COG3: variants seen among roughly 807,000 people sequenced by gnomAD.
The protein encoded by COG3 is component of oligomeric golgi complex 3, also known as conserved oligomeric Golgi complex subunit 3.
A neutral mutation model predicts 114.1 loss-of-function variants in COG3; 32 were observed. The observed-to-expected ratio is 0.28, with a 90% CI of 0.21 to 0.38. The LOEUF (loss-of-function observed/expected upper bound fraction) is 0.38, where lower values mean the gene tolerates loss of function less well. Ranked by LOEUF, COG3 falls within the 10% of genes least tolerant of loss-of-function variation. The pLI, the probability that COG3 is intolerant of heterozygous loss-of-function variation, is 1.00. For synonymous variants in COG3, 352 were observed against 365.7 expected, an observed-to-expected ratio of 0.96 and a Z score of 0.43; for missense variants, 813 against 973.2, an observed-to-expected ratio of 0.84 and a Z score of 2.19.
chr13:45,509,816 T>C lies in COG3; in HGVS notation c.1719T>C (p.Asp573=), dbSNP rs1233107964. ...VCLSKLYRCI[D]RAVFQGLSQE... is the part of the protein sequence containing the mutation. ...TCTCCAAATTATACAGATGCATAGA[T>C]GTACGTGTATCTTTACTGTGAATTG... Residue 573 remains aspartate, a splice_region_variant and synonymous_variant, in exon 15 of 23, where the codon GAT becomes GAC. Transcript: ENST00000349995. 1.2e-6 allele frequency: 2 copies of C among 1,603,878 alleles called. No individual in the cohort carries two copies. The highest frequency in any genetic ancestry group is 1.7e-6 in the Non-Finnish European group (2 of 1,172,600).
chr13:45,488,073 C>A (rs2137820646), intron 8 of COG3, among the ~76,000 whole-genome samples: 1 of 152,234 alleles, frequency 6.6e-6, no homozygotes, highest in South Asian at 2.1e-4. Context: ...CTGTCATTTG[C>A]AGCAACGTGA....
chr13:45,497,651 T>C lies in COG3; in HGVS notation c.1488+1339T>C, dbSNP rs1301748270. 2.6e-5 allele frequency among the ~76,000 whole-genome samples: 4 copies of C among 152,104 alleles called. No homozygotes were observed. The South Asian group carries it at 8.3e-4, about 32-fold the overall frequency. On this transcript the variant is annotated intron_variant, in intron 13 of 22. Coordinates refer to ENST00000349995, the MANE Select transcript of COG3 (RefSeq NM_031431.4). The stretch of plus-strand genomic sequence containing the variant: ...AAATACAAAAATTCACCAGGTGTGA[T>C]GGTGTGCTCCTGTGATCCCAGCTAC...
intron 8 of COG3, among the ~76,000 whole-genome samples, chr13:45,487,816 A>G (rs541294873): frequency 6.6e-6 from 1 of 152,324 alleles, no homozygotes; most frequent in African/African-American, 2.4e-5. Context: ...GTTATGGAAA[A>G]CAGTATGGAG....
intron 7 of COG3, among the ~76,000 whole-genome samples, chr13:45,484,502 C>T (rs1886442770): frequency 6.6e-6 from 1 of 152,114 alleles, no homozygotes. Context: ...AGAGAGATGA[C>T]AGTTCCATTT....
chr13:45,518,718 T>C, intron 17 of COG3, 44 bp from the exon 18 acceptor site: 2 of 1,475,376 alleles, frequency 1.4e-6, no homozygotes, highest in Non-Finnish European at 1.9e-6. Context: ...GGCTTTGCTG[T>C]TGAAACTTTA....
intron 13 of COG3, among the ~76,000 whole-genome samples, chr13:45,498,356 CT>C (rs61289410): frequency 0.12 from 13,818 of 117,470 alleles, 483 homozygotes; most frequent in Non-Finnish European, 0.12. Context: ...CTTCAGATGT[CT>C]TTTTTTTTTT....
intron 13 of COG3, among the ~76,000 whole-genome samples, chr13:45,497,821 A>AACAAC (rs1449099330): frequency 1.8e-5 from 1 of 54,584 alleles, no homozygotes; most frequent in Non-Finnish European, 4.4e-5. Context: ...ACAACAACAA[A>AACAAC]GTATGACCAC....
intron 8 of COG3, among the ~76,000 whole-genome samples, chr13:45,490,540 A>T (rs12869186): frequency 0.054 from 8,173 of 152,212 alleles, 271 homozygotes; most frequent in East Asian, 0.1. Flanking sequence ...ACAATGATTC[A>T]TTGAGTGTTG....
At chr13:45,524,944 G>GA in intron 19 of COG3, 32 bp from the exon 20 acceptor site, 1 of 1,575,288 alleles carries the variant, frequency 6.3e-7, no homozygotes, top group Non-Finnish European at 8.7e-7. Flanking sequence ...TTGATGAAAT[G>GA]AAACTTTTTT....
At chr13:45,511,879 C>A in intron 16 of COG3, 25 bp downstream of exon 16, 2 of 1,548,514 alleles carry the variant, frequency 1.3e-6, no homozygotes, top group South Asian at 1.1e-5. Flanking sequence ...TAGGTGAAAT[C>A]CTGTTTCCTG....
At chr13:45,468,596 C>G (rs1156896229) in intron 1 of COG3, among the ~76,000 whole-genome samples, 1 of 152,298 alleles carries the variant, frequency 6.6e-6, no homozygotes, top group East Asian at 1.9e-4. Context: ...TTTTCTCCAA[C>G]CCAGAACTCT....
At chr13:45,477,326 A>G (rs939856955) in intron 2 of COG3, among the ~76,000 whole-genome samples, 10 of 152,202 alleles carry the variant, frequency 6.6e-5, no homozygotes, top group African/African-American at 2.4e-4. Flanking sequence ...TGCTTAAAAA[A>G]AGTCCTCTGG....
chr13:45,476,320 A>G lies in COG3; in HGVS notation c.294A>G (p.Glu98=). Residue 98 remains glutamate (E), a synonymous_variant, in exon 2 of 23, where the codon GAA becomes GAG. Coordinates refer to ENST00000349995, the MANE Select transcript of COG3 (RefSeq NM_031431.4). ...AGGGCTTCACTTCCTTAGGAATGGAAGAAGAAAGAATTGAAACCGCACAGC... is the reference window on the plus strand; with the variant it reads ...AGGGCTTCACTTCCTTAGGAATGGAGGAAGAAAGAATTGAAACCGCACAGC... ...LLKGFTSLGM[E]EERIETAQQF... 1 of 1,614,058 alleles carries G rather than the reference A, an allele frequency of 6.2e-7. No homozygotes were observed. The highest frequency in any genetic ancestry group is 8.5e-7 in the Non-Finnish European group (1 of 1,179,974).
In COG3 at chr13:45,471,165, A is replaced by T. The variant is rs538962866; in HGVS notation, c.175-5036A>T. On this transcript the variant is annotated intron_variant, in intron 1 of 22. Coordinates refer to ENST00000349995, the MANE Select transcript of COG3 (RefSeq NM_031431.4). The stretch of plus-strand genomic sequence containing the variant: ...ACCCCTGTAATCCCAGCACTTTGGG[A>T]GACTGAGACAGGAGGATTGCTTGAG... 4.6e-5 allele frequency among the ~76,000 whole-genome samples: 7 copies of T among 152,272 alleles called. No individual in the cohort carries two copies. The East Asian group carries it at 1.2e-3, about 25-fold the overall frequency.
Position 45,518,769 on chromosome 13 carries a change from A to G in COG3, c.1938A>G (p.Ala646=). 6.2e-7 allele frequency: 1 copy of G among 1,611,660 alleles called. No homozygotes were observed. Among genetic ancestry groups the G allele is most frequent in the South Asian group, 1.1e-5 (1 of 90,438 alleles). ...AGTAATTTTGTTTCACAGATGCAGC[A>G]TTTAAAATCCTGAACCCTATGACTG... is the stretch of plus-strand genomic sequence containing the variant. ...SLDLKKTRDA[A]FKILNPMTVP... Residue 646 remains alanine (A), a synonymous_variant, in exon 18 of 23, where the codon GCA becomes GCG. Coordinates refer to ENST00000349995, the MANE Select transcript of COG3 (RefSeq NM_031431.4).
intron 2 of COG3, among the ~76,000 whole-genome samples, chr13:45,476,549 G>A (rs1455484691): frequency 6.6e-6 from 1 of 152,004 alleles, no homozygotes. Flanking sequence ...TATGATATAG[G>A]TAAAAAAACA....
chr13:45,490,810 T>C lies in COG3; in HGVS notation c.925-105T>C, dbSNP rs569173850. The C allele has an allele frequency of 5.4e-5, 29 of 532,882 alleles. No individual in the cohort carries two copies. The East Asian group carries it at 5.8e-4, about 11-fold the overall frequency. The allele number at this position is 532,882 out of a possible 1,614,324, so 33.0% of individuals were successfully genotyped here. ...ATTTTTATGATTTTTAACTTTCTTA[T>C]ATTTACAGTTTTTCTGAATATGTGA... is the stretch of plus-strand genomic sequence containing the variant. On this transcript the variant is annotated intron_variant, in intron 8 of 22. Transcript: ENST00000349995.
chr13:45,529,749 T>C (rs765453700), intron 20 of COG3, 42 bp from the exon 21 acceptor site: 4 of 1,501,886 alleles, frequency 2.7e-6, no homozygotes, highest in East Asian at 2.3e-5. Flanking sequence ...AATATTTCTT[T>C]TCTTTTTCTT....
At chr13:45,507,379 T>C (rs1357641340) in intron 14 of COG3, among the ~76,000 whole-genome samples, 1 of 152,024 alleles carries the variant, frequency 6.6e-6, no homozygotes, top group East Asian at 1.9e-4. Flanking sequence ...AATTTAAAAA[T>C]TATACAAGTT....
Sources: gnomAD v4.1 joint callset for allele counts (sites outside exome capture counted in the v4.1 genomes callset) on GRCh38, gnomAD v4.1.1 for gene constraint, MANE v1.5 for transcripts, NCBI Gene and HGNC (gene_info 2026-07-23, HGNC 2026-07-21) for gene names.